Variants in MTPN observed in about 807,000 individuals in gnomAD.
MTPN encodes the protein myotrophin.
A neutral mutation model predicts 13.5 loss-of-function variants in MTPN; 2 were observed. The ratio of observed to expected loss-of-function variants is 0.15; its 90% CI spans 0.06 to 0.47. The LOEUF is 0.47. MTPN is among the 20% of genes least tolerant of loss of function. The pLI, the probability that MTPN is intolerant of heterozygous loss-of-function variation, is 0.97. For missense variants in MTPN, 79 were observed against 137.9 expected (o/e 0.57, Z 2.14); for synonymous variants, 46 against 51.7 (o/e 0.89, Z 0.48).
At chr7:135,934,044 T>C (rs952754147) in intron 3 of MTPN, among the ~76,000 whole-genome samples, 1 of 152,160 alleles carries the variant, frequency 6.6e-6, no homozygotes, top group African/African-American at 2.4e-5. Context: ...TCCCCAGCCA[T>C]GCCTCTTGTA....
intron 1 of MTPN, among the ~76,000 whole-genome samples, chr7:135,973,194 G>A (rs1008276201): frequency 1.0e-4 from 15 of 149,158 alleles, no homozygotes; most frequent in African/African-American, 3.7e-4. Context: ...TGTGTAAACT[G>A]ACCAGGAAGG....
At chr7:135,930,055 G>T in intron 3 of MTPN, 43 bp from the exon 4 acceptor site, 1 of 1,529,242 alleles carries the variant, frequency 6.5e-7, no homozygotes, top group South Asian at 1.1e-5. Context: ...GCCCACAACT[G>T]GGGGAAGGGA....
In MTPN at chr7:135,951,510, T is replaced by A; in HGVS notation, c.186+7A>T. On this transcript the variant is annotated splice_region_variant and intron_variant, in intron 2 of 3. Coordinates refer to ENST00000393085, the MANE Select transcript of MTPN (RefSeq NM_145808.4). ...TTTTTTCAAGAATGATCACGTCCTC[T>A]ACGTACATTAATATCTGCTCCTTTC... 6.2e-7 allele frequency: 1 copy of A among 1,600,170 alleles called. No homozygotes were observed. The highest frequency in any genetic ancestry group is 1.3e-5 in the African/African-American group (1 of 74,678).
At chr7:135,952,523 G>A (rs771022923) in intron 1 of MTPN, among the ~76,000 whole-genome samples, 17 of 152,156 alleles carry the variant, frequency 1.1e-4, no homozygotes, top group Non-Finnish European at 2.4e-4. Context: ...AGCTGAAGAG[G>A]TTAAATAACT....
At chr7:135,969,181 A>T in intron 1 of MTPN, among the ~76,000 whole-genome samples, 1 of 147,646 alleles carries the variant, frequency 6.8e-6, no homozygotes, top group Admixed American at 6.8e-5. Flanking sequence ...TGGCACATGT[A>T]TACATATGCA....
intron 3 of MTPN, among the ~76,000 whole-genome samples, chr7:135,945,805 T>C (rs995369950): frequency 1.3e-5 from 2 of 152,122 alleles, no homozygotes; most frequent in Non-Finnish European, 2.9e-5. Context: ...TTACCAAGCA[T>C]TATGTATGAC....
intron 1 of MTPN, among the ~76,000 whole-genome samples, chr7:135,957,287 T>C (rs754947785): frequency 3.3e-5 from 5 of 152,146 alleles, no homozygotes; most frequent in Admixed American, 1.3e-4. Flanking sequence ...GGAACCACCA[T>C]AGAAACCATA....
chr7:135,941,473 C>T (rs1764680021), intron 3 of MTPN, among the ~76,000 whole-genome samples: 1 of 147,432 alleles, frequency 6.8e-6, no homozygotes, highest in South Asian at 2.1e-4. Flanking sequence ...ATCTCTTTAA[C>T]TTTTCCAAAA....
chr7:135,969,821 A>G (rs1271556560), intron 1 of MTPN, among the ~76,000 whole-genome samples: 1 of 152,242 alleles, frequency 6.6e-6, no homozygotes, highest in Non-Finnish European at 1.5e-5. Flanking sequence ...CCTAATTTAT[A>G]GAGTTTATAC....
At chr7:135,957,107 T>C (rs974174786) in intron 1 of MTPN, among the ~76,000 whole-genome samples, 2 of 152,240 alleles carry the variant, frequency 1.3e-5, no homozygotes, top group Admixed American at 1.3e-4. Context: ...TTGTATTATA[T>C]TAAAACATAC....
At chr7:135,938,990 AC>A (rs1369570683) in intron 3 of MTPN, among the ~76,000 whole-genome samples, 3 of 151,950 alleles carry the variant, frequency 2.0e-5, no homozygotes, top group African/African-American at 7.3e-5. Context: ...TTTTCCCCCC[AC>A]AGTACTTGTT....
At chr7:135,953,005 G>C (rs1799387239) in intron 1 of MTPN, among the ~76,000 whole-genome samples, 1 of 152,050 alleles carries the variant, frequency 6.6e-6, no homozygotes, top group Non-Finnish European at 1.5e-5. Context: ...ACTTAGCATA[G>C]TTTGGTCAAC....
intron 3 of MTPN, among the ~76,000 whole-genome samples, chr7:135,943,892 A>C (rs1562930825): frequency 6.6e-6 from 1 of 152,214 alleles, no homozygotes; most frequent in South Asian, 2.1e-4. Context: ...TATAATAACA[A>C]ATTAAGTATG....
At position 135,929,818 on chromosome 7, in the gene MTPN, T is replaced by TAG; in HGVS notation, c.*107_*108insCT. The stretch of plus-strand genomic sequence containing the variant: ...AATTTCTCTCTCCCCTCACCCCTCT[T>TAG]AAAGTATTTAGCTGAAGAAGCTGGC... On this transcript the variant is annotated 3_prime_UTR_variant, in exon 4 of 4. Coordinates refer to ENST00000393085, the MANE Select transcript of MTPN (RefSeq NM_145808.4). 8.9e-7 allele frequency: 1 copy of TAG among 1,117,460 alleles called. No individual in the cohort carries two copies. Among genetic ancestry groups the TAG allele is most frequent in the Non-Finnish European group, 1.4e-6 (1 of 737,456 alleles). The allele number at this position is 1,117,460 out of a possible 1,614,324, so 69.2% of individuals were successfully genotyped here.
At chr7:135,931,222 A>T (rs1233552667) in intron 3 of MTPN, among the ~76,000 whole-genome samples, 1 of 152,146 alleles carries the variant, frequency 6.6e-6, no homozygotes, top group East Asian at 1.9e-4. Context: ...GAAAAATAAG[A>T]CAAGAGTCTG....
At position 135,939,408 on chromosome 7, in the gene MTPN, T is replaced by C. The variant is rs189582197; in HGVS notation, c.271-9396A>G. On this transcript the variant is annotated intron_variant, in intron 3 of 3. Transcript: ENST00000393085. Reference sequence around the variant, plus strand: ...CCCGTTCTTCTTTGCTTTCCTCTACTACAGAGGTTGAAAATAAGTGAAATC... The same window carrying C: ...CCCGTTCTTCTTTGCTTTCCTCTACCACAGAGGTTGAAAATAAGTGAAATC... Among the ~76,000 whole-genome samples the C allele has an allele frequency of 8.0e-4, 122 of 152,118 alleles. 1 individual carries two copies. Among genetic ancestry groups the C allele is most frequent in the African/African-American group, 2.9e-3 (119 of 41,492 alleles).
intron 3 of MTPN, among the ~76,000 whole-genome samples, chr7:135,941,606 T>G (rs2116358481): frequency 6.6e-6 from 1 of 152,328 alleles, no homozygotes; most frequent in Admixed American, 6.5e-5. Flanking sequence ...ATGTGAGCAA[T>G]GAGACATTTT....
intron 3 of MTPN, among the ~76,000 whole-genome samples, chr7:135,948,660 C>T (rs1351623156): frequency 6.6e-6 from 1 of 152,146 alleles, no homozygotes; most frequent in Non-Finnish European, 1.5e-5. Context: ...TGACCTGAAG[C>T]CTCATGTTTT....
chr7:135,972,424 TAA>T (rs1799711762), intron 1 of MTPN, among the ~76,000 whole-genome samples: 1 of 152,220 alleles, frequency 6.6e-6, no homozygotes, highest in African/African-American at 2.4e-5. Flanking sequence ...AAAACTTAGG[TAA>T]AACATCTTGC....
Sources: gnomAD v4.1 joint callset for allele counts (sites outside exome capture counted in the v4.1 genomes callset) on GRCh38, gnomAD v4.1.1 for gene constraint, MANE v1.5 for transcripts, NCBI Gene and HGNC (gene_info 2026-07-23, HGNC 2026-07-21) for gene names.